YTHDF3: variants seen among roughly 807,000 people sequenced by gnomAD.
The protein encoded by YTHDF3 is YTH N6-methyladenosine RNA binding protein F3, also known as YTH domain-containing family protein 3.
Under a neutral mutation model 52.5 loss-of-function variants are expected in YTHDF3, and 9 were observed. The observed-to-expected ratio is 0.17, with a 90% CI of 0.10 to 0.30. The LOEUF (loss-of-function observed/expected upper bound fraction) is 0.30. YTHDF3 is among the 10% of genes least tolerant of loss of function. YTHDF3 has a pLI of 1.00. For missense variants in YTHDF3, 534 were observed against 715.0 expected (o/e 0.75, Z 2.89); for synonymous variants, 274 against 243.3 (o/e 1.13, Z -1.18).
In YTHDF3 at chr8:63,191,864, A is replaced by G. The variant is rs1009838994; in HGVS notation, c.1734+4119A>G. Among the ~76,000 whole-genome samples, 8 of 152,158 alleles carry G rather than the reference A, an allele frequency of 5.3e-5. No homozygotes were observed. In the South Asian group the frequency reaches 6.2e-4, roughly 12 times the overall value. ...CCTTTTTATTACTAGGTAGTTTTCT[A>G]TTACATGGATGGATGACCATTGTGT... On this transcript the variant is annotated intron_variant, in intron 4 of 4. Transcript: ENST00000539294.
chr8:63,202,780 C>T lies in YTHDF3; in HGVS notation c.1735-6903C>T, dbSNP rs186445310. 2.0e-3 allele frequency among the ~76,000 whole-genome samples: 298 copies of T among 152,092 alleles called. 2 individuals carry two copies. Among genetic ancestry groups the T allele is most frequent in the Non-Finnish European group, 3.1e-3 (214 of 67,988 alleles). On this transcript the variant is annotated intron_variant, in intron 4 of 4. Transcript: ENST00000539294. ...ACCTGGCCTTTGTTCTACTCTTTAG[C>T]ATGAATTTTTTTAGACCTATCAGCC...
At position 63,176,535 on chromosome 8, in the gene YTHDF3, C is replaced by A. The variant is rs370506491; in HGVS notation, c.135+1119C>A. On this transcript the variant is annotated intron_variant, in intron 3 of 4. Coordinates refer to ENST00000539294, the MANE Select transcript of YTHDF3 (RefSeq NM_152758.6). ...GACCTCATGATCCGCCCGCCTCGGC[C>A]TCCCAAAGTGCTGGGATTACAGGTG... Among the ~76,000 whole-genome samples, 64 of 152,254 alleles carry A rather than the reference C, an allele frequency of 4.2e-4. No individual in the cohort carries two copies. The East Asian group carries it at 6.0e-3, about 14-fold the overall frequency.
In YTHDF3 at chr8:63,186,955, A is replaced by G. The variant is rs1020473519; in HGVS notation, c.944A>G (p.Gln315Arg). 1.2e-6 allele frequency: 2 copies of G among 1,613,926 alleles called. No homozygotes were observed. The highest frequency in any genetic ancestry group is 1.7e-6 in the Non-Finnish European group (2 of 1,179,842). Reference protein sequence around the residue: ...QPLIQPPPLVQSQLPQQQPQP... With the variant: ...QPLIQPPPLVRSQLPQQQPQP... ...TTAATTCAACCACCACCATTGGTGC[A>G]AAGCCAACTGCCTCAACAGCAGCCT... Residue 315 changes from glutamine (Q) to arginine (R), a missense_variant, in exon 4 of 5, where the codon CAA becomes CGA. Transcript: ENST00000539294.
intron 4 of YTHDF3, among the ~76,000 whole-genome samples, chr8:63,199,285 G>A (rs1809444244): frequency 6.6e-6 from 1 of 152,146 alleles, no homozygotes; most frequent in African/African-American, 2.4e-5. Flanking sequence ...TCATTTCTTG[G>A]TATATACAGG....
chr8:63,203,748 T>G (rs1202675727), intron 4 of YTHDF3, among the ~76,000 whole-genome samples: 1 of 152,236 alleles, frequency 6.6e-6, no homozygotes, highest in Non-Finnish European at 1.5e-5. Context: ...TTACAGTTTT[T>G]CCGTCTTGCT....
intron 4 of YTHDF3, among the ~76,000 whole-genome samples, chr8:63,206,957 G>A (rs1810073294): frequency 6.6e-6 from 1 of 151,998 alleles, no homozygotes; most frequent in Non-Finnish European, 1.5e-5. Flanking sequence ...CTTGATAGTT[G>A]CTCATTGTAT....
intron 2 of YTHDF3, among the ~76,000 whole-genome samples, chr8:63,173,213 T>TATATATATATATATATATACAC (rs947970396): frequency 4.8e-5 from 7 of 146,140 alleles, no homozygotes; most frequent in African/African-American, 1.6e-4. Context: ...TATATATATA[T>TATATATATATATATATATACAC]ACAGATAAAT....
chr8:63,210,786 G>T lies in YTHDF3; in HGVS notation c.*1080G>T, dbSNP rs1432525563. ...TTATTGATCAGATCTATATAAGTGG[G>T]AATACAGCATATATCTGGATATTCT... On this transcript the variant is annotated 3_prime_UTR_variant, in exon 5 of 5. Transcript: ENST00000539294. The T allele has an allele frequency of 1.3e-5, 2 of 152,430 alleles. No homozygotes were observed. The highest frequency in any genetic ancestry group is 6.6e-5 in the Admixed American group (1 of 15,248). 9.4% of individuals were successfully genotyped at this position (152,430 alleles called of 1,614,324 possible).
Position 63,209,667 on chromosome 8 carries a change from GT to G in YTHDF3, c.1735-4del, listed in dbSNP as rs55855007. The G allele has an allele frequency of 0.011, 13,294 of 1,199,322 alleles. No individual in the cohort carries two copies. The highest frequency in any genetic ancestry group is 0.02 in the Admixed American group (809 of 40,154). The allele number at this position is 1,199,322 out of a possible 1,614,324, so 74.3% of individuals were successfully genotyped here. On this transcript the variant is annotated splice_polypyrimidine_tract_variant and intron_variant, in intron 4 of 4. Transcript: ENST00000539294. ...ATTGTAATTCTTTTTGTGTGTGTGT[GT>G]TTTTTTTTTTTCAGGAGAGAAATAG...
chr8:63,195,482 G>C (rs1463444798), intron 4 of YTHDF3, among the ~76,000 whole-genome samples: 1 of 152,150 alleles, frequency 6.6e-6, no homozygotes, highest in Non-Finnish European at 1.5e-5. Context: ...TTGATGATCT[G>C]AAACTTCAGA....
chr8:63,195,997 T>C (rs1000104947), intron 4 of YTHDF3, among the ~76,000 whole-genome samples: 1 of 152,096 alleles, frequency 6.6e-6, no homozygotes, highest in African/African-American at 2.4e-5. Flanking sequence ...AGACAGGATT[T>C]TGCCATGTCG....
At chr8:63,175,182 A>G (rs936920198) in intron 2 of YTHDF3, 149 bp from the exon 3 acceptor site, 2 of 579,494 alleles carry the variant, frequency 3.5e-6, no homozygotes, top group Admixed American at 6.3e-5. Flanking sequence ...TGTATCTAAA[A>G]TAGTTTATCC....
intron 4 of YTHDF3, among the ~76,000 whole-genome samples, chr8:63,204,796 CT>C (rs1340683440): frequency 1.3e-5 from 2 of 152,096 alleles, no homozygotes; most frequent in African/African-American, 2.4e-5. Context: ...ATGCTATGGC[CT>C]TTTAGATACA....
At chr8:63,189,166 GT>G (rs1216653931) in intron 4 of YTHDF3, 1 of 152,000 alleles carries the variant, frequency 6.6e-6, no homozygotes, top group Admixed American at 6.6e-5. Context: ...AAAACATGCT[GT>G]TTATCCTTGT....
At chr8:63,177,284 A>G (rs1585743420) in intron 3 of YTHDF3, among the ~76,000 whole-genome samples, 1 of 152,258 alleles carries the variant, frequency 6.6e-6, no homozygotes, top group African/African-American at 2.4e-5. Flanking sequence ...GTTGTGTTCA[A>G]CCTCATCTAC....
At chr8:63,202,607 GCCCGCCACCA>G (rs1340899539) in intron 4 of YTHDF3, among the ~76,000 whole-genome samples, 1 of 151,898 alleles carries the variant, frequency 6.6e-6, no homozygotes, top group African/African-American at 2.4e-5. Context: ...GATTACAGGT[GCCCGCCACCA>G]CACCCAGCTA....
intron 4 of YTHDF3, among the ~76,000 whole-genome samples, chr8:63,190,786 C>T (rs1808864105): frequency 6.6e-6 from 1 of 152,184 alleles, no homozygotes; most frequent in African/African-American, 2.4e-5. Flanking sequence ...AATGTCAGAG[C>T]CTACTCTGGC....
rs1198456744 is a variant in YTHDF3 at position 63,187,665 on chromosome 8, A to G, written c.1654A>G (p.Thr552Ala). The change falls in exon 4 of 5, where the codon ACT becomes GCT. Residue 552 changes from threonine (T) to alanine (A), a missense_variant. Transcript: ENST00000539294. Reference sequence around the variant, plus strand: ...TAAGCAAGTGCTTAAAATAATTGCTACTTTCAAGCATACCACCTCAATCTT... The same window carrying G: ...TAAGCAAGTGCTTAAAATAATTGCTGCTTTCAAGCATACCACCTCAATCTT... ...KAKQVLKIIA[T>A]FKHTTSIFDD... The G allele has an allele frequency of 5.0e-6, 8 of 1,610,980 alleles. No homozygotes were observed. The highest frequency in any genetic ancestry group is 1.1e-5 in the South Asian group (1 of 90,646).
At chr8:63,185,087 A>T (rs1563400369) in intron 3 of YTHDF3, among the ~76,000 whole-genome samples, 1 of 152,152 alleles carries the variant, frequency 6.6e-6, no homozygotes, top group Non-Finnish European at 1.5e-5. Context: ...GCGCTGCTGC[A>T]CTTCTGCCTG....
Sources: allele counts gnomAD v4.1 joint callset (sites outside exome capture counted in the v4.1 genomes callset), GRCh38; gene constraint gnomAD v4.1.1; transcripts MANE v1.5; gene names NCBI Gene and HGNC (gene_info 2026-07-23, HGNC 2026-07-21).